CAMK1D: variants seen among roughly 807,000 people sequenced by gnomAD.
The protein encoded by CAMK1D is calcium/calmodulin-dependent protein kinase type 1D.
In CAMK1D, 9 loss-of-function variants were observed where a neutral mutation model predicts 47.7. The observed-to-expected ratio is 0.19, with a 90% CI of 0.11 to 0.33. The LOEUF (loss-of-function observed/expected upper bound fraction) is 0.33, where lower values mean the gene tolerates loss of function less well. Ranked by LOEUF, CAMK1D falls within the 10% of genes least tolerant of loss-of-function variation. The probability of loss-of-function intolerance (pLI) is 1.00; values close to 1 mark genes in which losing one functional copy is unlikely to be tolerated. For synonymous variants in CAMK1D, 184 were observed against 184.9 expected (o/e 0.99, Z 0.04); for missense variants, 291 against 488.7 (o/e 0.60, Z 3.81).
intron 2 of CAMK1D, among the ~76,000 whole-genome samples, chr10:12,652,764 G>C (rs1343437924): frequency 6.6e-6 from 1 of 152,146 alleles, no homozygotes; most frequent in African/African-American, 2.4e-5. Context: ...AGAACTATAA[G>C]CTCAGACCAC....
At chr10:12,696,125 T>C (rs777289392) in intron 3 of CAMK1D, among the ~76,000 whole-genome samples, 2 of 152,028 alleles carry the variant, frequency 1.3e-5, no homozygotes, top group Non-Finnish European at 2.9e-5. Flanking sequence ...GAATATTATT[T>C]GACCTCTTTG....
chr10:12,526,693 G>T (rs961120084), intron 1 of CAMK1D, among the ~76,000 whole-genome samples: 8 of 152,142 alleles, frequency 5.3e-5, no homozygotes, highest in African/African-American at 1.9e-4. Context: ...TGAGGTAGGT[G>T]GATCGCCTGA....
chr10:12,533,080 T>A (rs1835861127), intron 1 of CAMK1D, among the ~76,000 whole-genome samples: 1 of 152,160 alleles, frequency 6.6e-6, no homozygotes, highest in South Asian at 2.1e-4. Context: ...AAGACTATAA[T>A]TGCATTGTTT....
chr10:12,729,529 G>A (rs113990432), intron 3 of CAMK1D, among the ~76,000 whole-genome samples: 9 of 152,006 alleles, frequency 5.9e-5, no homozygotes, highest in South Asian at 2.1e-4. Context: ...TCCCAGCTAC[G>A]TGGAAGGGTG....
chr10:12,785,073 G>A (rs960622348), intron 5 of CAMK1D, among the ~76,000 whole-genome samples: 11 of 152,108 alleles, frequency 7.2e-5, no homozygotes, highest in Non-Finnish European at 1.0e-4. Flanking sequence ...GAGTACAGCC[G>A]CCCCCACGCT....
chr10:12,537,347 C>A (rs997941408), intron 1 of CAMK1D, among the ~76,000 whole-genome samples: 1 of 152,190 alleles, frequency 6.6e-6, no homozygotes, highest in African/African-American at 2.4e-5. Flanking sequence ...GGTAGGATTG[C>A]AGAAGTGAAC....
At chr10:12,584,351 C>G (rs777087116) in intron 2 of CAMK1D, among the ~76,000 whole-genome samples, 2 of 152,082 alleles carry the variant, frequency 1.3e-5, no homozygotes, top group Non-Finnish European at 2.9e-5. Flanking sequence ...TGTGATGACT[C>G]GGAGGAGGAG....
intron 1 of CAMK1D, among the ~76,000 whole-genome samples, chr10:12,451,086 A>G (rs1025601408): frequency 6.6e-6 from 1 of 152,192 alleles, no homozygotes; most frequent in African/African-American, 2.4e-5. Flanking sequence ...CTCTGAACCA[A>G]TTGAGAAGTA....
At chr10:12,774,909 G>A (rs551354715) in intron 5 of CAMK1D, among the ~76,000 whole-genome samples, 3 of 152,398 alleles carry the variant, frequency 2.0e-5, no homozygotes, top group East Asian at 1.9e-4. Flanking sequence ...ATTGTCTTCC[G>A]TGAAACGGGT....
intron 2 of CAMK1D, among the ~76,000 whole-genome samples, chr10:12,597,625 C>A (rs1025032515): frequency 6.6e-6 from 1 of 152,132 alleles, no homozygotes; most frequent in African/African-American, 2.4e-5. Flanking sequence ...TCATTGAGGG[C>A]GTTGTGGGGA....
At chr10:12,619,180 A>G (rs1838913056) in intron 2 of CAMK1D, among the ~76,000 whole-genome samples, 1 of 152,170 alleles carries the variant, frequency 6.6e-6, no homozygotes, top group Admixed American at 6.5e-5. Context: ...TGTCTAGTAA[A>G]CTGTTCCAAT....
At chr10:12,479,260 G>A (rs1833993065) in intron 1 of CAMK1D, among the ~76,000 whole-genome samples, 2 of 151,830 alleles carry the variant, frequency 1.3e-5, no homozygotes, top group South Asian at 4.2e-4. Flanking sequence ...GCAGTGGTGC[G>A]ATCTTGGCTC....
At chr10:12,387,399 T>A (rs868841747) in intron 1 of CAMK1D, among the ~76,000 whole-genome samples, 8,872 of 63,534 alleles carry the variant, frequency 0.14, 551 homozygotes, top group South Asian at 0.24. Context: ...ATTATATATT[T>A]TTATATATTA....
chr10:12,533,846 G>A (rs914283318), intron 1 of CAMK1D, among the ~76,000 whole-genome samples: 1 of 152,124 alleles, frequency 6.6e-6, no homozygotes, highest in Non-Finnish European at 1.5e-5. Flanking sequence ...GAAACCCTAG[G>A]TTCTTTCTGT....
rs1564498294 is a variant in CAMK1D at position 12,694,168 on chromosome 10, A to ATT, written c.299+27358_299+27359insTT. ...ATAATATATAATATATATTATGCAT[A>ATT]ATATATATTATATATAATATAATAT... On this transcript the variant is annotated intron_variant, in intron 3 of 10. Coordinates refer to ENST00000619168, the MANE Select transcript of CAMK1D (RefSeq NM_153498.4). Among the ~76,000 whole-genome samples the ATT allele has an allele frequency of 9.8e-5, 4 of 40,990 alleles. 2 individuals carry two copies. The highest frequency in any genetic ancestry group is 3.8e-4 in the African/African-American group (4 of 10,570). 26.9% of individuals were successfully genotyped at this position (40,990 alleles called of 152,430 possible). A position where few individuals can be genotyped will look rare whatever the true frequency, so the allele number is the denominator to read the frequency against.
chr10:12,381,255 G>A (rs989017557), intron 1 of CAMK1D, among the ~76,000 whole-genome samples: 1 of 152,116 alleles, frequency 6.6e-6, no homozygotes, highest in South Asian at 2.1e-4. Flanking sequence ...AGCTTGACTT[G>A]GGTGATTGCT....
chr10:12,742,014 A>G (rs1414132064), intron 3 of CAMK1D, among the ~76,000 whole-genome samples: 1 of 152,200 alleles, frequency 6.6e-6, no homozygotes, highest in African/African-American at 2.4e-5. Flanking sequence ...TGAAGGGGAG[A>G]GCAAGGCCAC....
chr10:12,443,399 C>T (rs189144426), intron 1 of CAMK1D, among the ~76,000 whole-genome samples: 9 of 151,874 alleles, frequency 5.9e-5, no homozygotes, highest in South Asian at 2.1e-4. Flanking sequence ...AATATAGTGT[C>T]GTGATGACCT....
At chr10:12,609,775 A>G (rs1309113321) in intron 2 of CAMK1D, among the ~76,000 whole-genome samples, 1 of 152,186 alleles carries the variant, frequency 6.6e-6, no homozygotes, top group Non-Finnish European at 1.5e-5. Flanking sequence ...GTACCAGTGC[A>G]TGGCCTGCAG....
Sources: gnomAD v4.1 joint callset for allele counts (sites outside exome capture counted in the v4.1 genomes callset) on GRCh38, gnomAD v4.1.1 for gene constraint, MANE v1.5 for transcripts, NCBI Gene and HGNC (gene_info 2026-07-23, HGNC 2026-07-21) for gene names.